PTPRN2: variants seen among roughly 807,000 people sequenced by gnomAD.
PTPRN2 encodes receptor-type tyrosine-protein phosphatase N2.
A neutral mutation model predicts 118.8 loss-of-function variants in PTPRN2; 74 were observed. The observed-to-expected ratio is 0.62, with a 90% CI of 0.52 to 0.76. PTPRN2 has a LOEUF of 0.76. Among genes scored for constraint, PTPRN2 ranks in the 30% least tolerant of loss-of-function variants. The probability of loss-of-function intolerance (pLI) is 0.00; values close to 1 mark genes in which losing one functional copy is unlikely to be tolerated. For missense variants in PTPRN2, 1,481 were observed against 1,394.4 expected, an observed-to-expected ratio of 1.06 and a Z score of -0.99; for synonymous variants, 641 against 608.0, an observed-to-expected ratio of 1.05 and a Z score of -0.80.
At chr7:157,963,205 GAC>G (rs924488224) in intron 11 of PTPRN2, among the ~76,000 whole-genome samples, 2 of 152,272 alleles carry the variant, frequency 1.3e-5, no homozygotes, top group African/African-American at 4.8e-5. Context: ...TGCAGTCAGA[GAC>G]AGTCCCTCCC....
intron 3 of PTPRN2, among the ~76,000 whole-genome samples, chr7:158,284,002 G>GTTTAAGAACGTTAGATCACACGT (rs1344617378): frequency 7.9e-5 from 12 of 152,264 alleles, no homozygotes; most frequent in African/African-American, 2.9e-4. Context: ...CAGATCACAC[G>GTTTAAGAACGTTAGATCACACGT]TTAATCAATC....
intron 12 of PTPRN2, among the ~76,000 whole-genome samples, chr7:157,817,853 C>G (rs563342042): frequency 6.6e-6 from 1 of 150,852 alleles, no homozygotes; most frequent in Non-Finnish European, 1.5e-5. Flanking sequence ...GTGTGTGGTG[C>G]GTGTGTGTGG....
rs1190981956 is a variant in PTPRN2 at position 157,959,268 on chromosome 7, A to G, written c.1724-60531T>C. ...GATGAAACTATAAAGCTCTAGGAAG[A>G]CTTAGGGGGAAGCTTCATGACACTG... On this transcript the variant is annotated intron_variant, in intron 11 of 22. Coordinates refer to ENST00000389418, the MANE Select transcript of PTPRN2 (RefSeq NM_002847.5). 2.6e-5 allele frequency among the ~76,000 whole-genome samples: 4 copies of G among 152,234 alleles called. No individual in the cohort carries two copies. In the East Asian group the frequency reaches 7.7e-4, roughly 29 times the overall value.
chr7:157,924,192 C>T (rs1040725602), intron 11 of PTPRN2, among the ~76,000 whole-genome samples: 2 of 152,168 alleles, frequency 1.3e-5, no homozygotes, highest in African/African-American at 2.4e-5. Flanking sequence ...CGGCCACAGG[C>T]AGGTAGAGGG....
At chr7:158,463,048 G>A (rs1012625603) in intron 2 of PTPRN2, among the ~76,000 whole-genome samples, 1 of 22,494 alleles carries the variant, frequency 4.4e-5, no homozygotes, top group African/African-American at 2.0e-4. Flanking sequence ...GCACATTACA[G>A]TCAACTGTAC....
intron 2 of PTPRN2, among the ~76,000 whole-genome samples, chr7:158,469,033 CGGGTGGAT>C: frequency 1.5e-5 from 2 of 137,432 alleles, no homozygotes. Context: ...ACACACACTC[CGGGTGGAT>C]CAACACTATG....
intron 12 of PTPRN2, among the ~76,000 whole-genome samples, chr7:157,792,653 A>C (rs1040488189): frequency 6.6e-5 from 10 of 152,178 alleles, no homozygotes; most frequent in African/African-American, 2.2e-4. Context: ...CGAATGAGGA[A>C]AGCAGGCTTG....
At chr7:158,558,757 T>TGA (rs1827201358) in intron 1 of PTPRN2, among the ~76,000 whole-genome samples, 1 of 59,772 alleles carries the variant, frequency 1.7e-5, no homozygotes, top group African/African-American at 6.1e-5. Context: ...AGTGCTAGAC[T>TGA]AAAAAAAAAA....
chr7:157,840,419 T>C (rs200143117), intron 12 of PTPRN2, among the ~76,000 whole-genome samples: 4,926 of 120,360 alleles, frequency 0.041, 133 homozygotes, highest in African/African-American at 0.084. Context: ...ACTGTGTGAC[T>C]GTGTGTGACT....
intron 9 of PTPRN2, among the ~76,000 whole-genome samples, chr7:158,124,868 T>A (rs1238139407): frequency 1.3e-5 from 2 of 152,078 alleles, no homozygotes; most frequent in Admixed American, 6.5e-5. Context: ...CCAGATTTGG[T>A]TTTGTCGAGT....
At chr7:157,638,870 G>A (rs982227651) in intron 14 of PTPRN2, among the ~76,000 whole-genome samples, 1 of 152,198 alleles carries the variant, frequency 6.6e-6, no homozygotes, top group Non-Finnish European at 1.5e-5. Flanking sequence ...CTGCTCACCT[G>A]CTGCAGACCT....
intron 2 of PTPRN2, among the ~76,000 whole-genome samples, chr7:158,399,204 C>T (rs1200143254): frequency 3.9e-5 from 6 of 152,170 alleles, no homozygotes; most frequent in African/African-American, 7.2e-5. Context: ...GATGCCTGCT[C>T]ATATTTAATA....
intron 9 of PTPRN2, among the ~76,000 whole-genome samples, chr7:158,131,637 A>G (rs1414124284): frequency 6.6e-6 from 1 of 151,864 alleles, no homozygotes; most frequent in Non-Finnish European, 1.5e-5. Context: ...ATACACACTC[A>G]TACACACATG....
rs1350483256 is a variant in PTPRN2 at position 158,576,857 on chromosome 7, C to G, written c.112+10701G>C. Reference sequence around the variant, plus strand: ...CTACACAACACTGAGGGCTGCCCACCCTGCCTGATGCCACAGACAGCATGG... The same window carrying G: ...CTACACAACACTGAGGGCTGCCCACGCTGCCTGATGCCACAGACAGCATGG... On this transcript the variant is annotated intron_variant, in intron 1 of 22. Coordinates refer to ENST00000389418, the MANE Select transcript of PTPRN2 (RefSeq NM_002847.5). Among the ~76,000 whole-genome samples, 15 of 144,486 alleles carry G rather than the reference C, an allele frequency of 1.0e-4. No individual in the cohort carries two copies. The Admixed American group carries it at 1.0e-3, about 10-fold the overall frequency. The allele number at this position is 144,486 out of a possible 152,430, so 94.8% of individuals were successfully genotyped here. A position where few individuals can be genotyped will look rare whatever the true frequency, so the allele number is the denominator to read the frequency against.
At chr7:158,231,928 T>C (rs916129881) in intron 3 of PTPRN2, among the ~76,000 whole-genome samples, 2 of 151,938 alleles carry the variant, frequency 1.3e-5, no homozygotes, top group African/African-American at 4.8e-5. Context: ...CAAATGAAAA[T>C]TGAAATATAC....
intron 1 of PTPRN2, chr7:158,541,451 C>A (rs752157814): frequency 1.5e-6 from 2 of 1,351,790 alleles, no homozygotes; most frequent in Admixed American, 1.9e-5. Context: ...CCAGACACTG[C>A]CACCGAGGGT....
At chr7:157,894,656 A>G (rs924932453) in intron 12 of PTPRN2, among the ~76,000 whole-genome samples, 46 of 151,086 alleles carry the variant, frequency 3.0e-4, no homozygotes, top group Non-Finnish European at 6.3e-4. Flanking sequence ...GTGGAAGCTG[A>G]GAGCTGGGGT....
intron 14 of PTPRN2, among the ~76,000 whole-genome samples, chr7:157,621,784 T>C (rs1219789576): frequency 1.3e-5 from 2 of 151,822 alleles, no homozygotes; most frequent in Non-Finnish European, 2.9e-5. Flanking sequence ...TGACAACAAT[T>C]ATCACATGCT....
chr7:158,407,174 TCCTGCGTCCTGG>T (rs1563254340), intron 2 of PTPRN2, among the ~76,000 whole-genome samples: 68 of 87,130 alleles, frequency 7.8e-4, no homozygotes, highest in African/African-American at 2.3e-3. Flanking sequence ...GGGTCCTGCG[TCCTGCGTCCTGG>T]GTCCTGGGTC....
Sources: gnomAD v4.1 joint callset for allele counts (sites outside exome capture counted in the v4.1 genomes callset) on GRCh38, gnomAD v4.1.1 for gene constraint, MANE v1.5 for transcripts, NCBI Gene and HGNC (gene_info 2026-07-23, HGNC 2026-07-21) for gene names.